CSMD1: variants seen among roughly 807,000 people sequenced by gnomAD.
The protein encoded by CSMD1 is CUB and Sushi multiple domains 1, also known as CUB and sushi domain-containing protein 1.
Under a neutral mutation model 417.5 loss-of-function variants are expected in CSMD1, and 213 were observed. The ratio of observed to expected loss-of-function variants is 0.51; its 90% CI spans 0.46 to 0.57. The LOEUF (loss-of-function observed/expected upper bound fraction) is 0.57. Among genes scored for constraint, CSMD1 ranks in the 20% least tolerant of loss-of-function variants. The pLI is 0.00. For synonymous variants in CSMD1, 2,862 were observed against 1,736.8 expected (o/e 1.65, Z -16.11); for missense variants, 6,923 against 4,529.7 (o/e 1.53, Z -15.17).
chr8:4,978,388 T>A (rs1810688326), intron 1 of CSMD1, among the ~76,000 whole-genome samples: 1 of 152,134 alleles, frequency 6.6e-6, no homozygotes, highest in Non-Finnish European at 1.5e-5. Flanking sequence ...TTAACATTAT[T>A]AAGCCCTCTA....
intron 18 of CSMD1, among the ~76,000 whole-genome samples, chr8:3,383,224 A>G (rs1447154181): frequency 6.6e-6 from 1 of 152,240 alleles, no homozygotes; most frequent in Admixed American, 6.5e-5. Flanking sequence ...GTTCATATGT[A>G]TCACAAATCG....
At chr8:4,092,368 C>T (rs1475233135) in intron 3 of CSMD1, among the ~76,000 whole-genome samples, 1 of 152,148 alleles carries the variant, frequency 6.6e-6, no homozygotes, top group South Asian at 2.1e-4. Flanking sequence ...CTTCAGCCAC[C>T]AGGGCTGCTG....
At chr8:4,379,205 A>G (rs1300045170) in intron 3 of CSMD1, among the ~76,000 whole-genome samples, 1 of 152,208 alleles carries the variant, frequency 6.6e-6, no homozygotes, top group Admixed American at 6.5e-5. Context: ...CCAAGTTCAT[A>G]AATTCAACCA....
chr8:4,046,118 A>T, intron 3 of CSMD1, among the ~76,000 whole-genome samples: 1 of 152,268 alleles, frequency 6.6e-6, no homozygotes, highest in Non-Finnish European at 1.5e-5. Context: ...TCTATAGCTC[A>T]TATATATCTG....
At chr8:4,845,593 G>T (rs181117709) in intron 1 of CSMD1, among the ~76,000 whole-genome samples, 5 of 152,272 alleles carry the variant, frequency 3.3e-5, no homozygotes, top group Admixed American at 3.3e-4. Context: ...ATATTTATTG[G>T]GTTCCTACCA....
intron 12 of CSMD1, among the ~76,000 whole-genome samples, chr8:3,443,040 G>A (rs1031242): frequency 0.4 from 60,215 of 151,978 alleles, 12,836 homozygotes; most frequent in Middle Eastern, 0.51. Flanking sequence ...TAATTACAAT[G>A]AATATGAGTT....
chr8:3,966,274 G>A (rs2130029273), intron 5 of CSMD1, among the ~76,000 whole-genome samples: 1 of 152,250 alleles, frequency 6.6e-6, no homozygotes. Flanking sequence ...TACTTAAACT[G>A]AATGCAGAGG....
chr8:3,204,597 A>G (rs1440515734), intron 31 of CSMD1, among the ~76,000 whole-genome samples: 1 of 152,156 alleles, frequency 6.6e-6, no homozygotes, highest in East Asian at 1.9e-4. Context: ...GAATCATGAC[A>G]CAATAGAAGT....
chr8:3,953,436 T>C (rs1403549547), intron 5 of CSMD1, among the ~76,000 whole-genome samples: 1 of 152,150 alleles, frequency 6.6e-6, no homozygotes, highest in Non-Finnish European at 1.5e-5. Context: ...TACTCAAAAA[T>C]TATTTTGCAC....
intron 1 of CSMD1, chr8:4,788,176 G>C (rs1797509997): frequency 3.8e-6 from 6 of 1,596,894 alleles, no homozygotes; most frequent in Non-Finnish European, 5.1e-6. Context: ...AAGGCCTGTG[G>C]AAATTTTGGC....
chr8:4,631,230 C>T (rs1802492091), intron 2 of CSMD1, among the ~76,000 whole-genome samples: 2 of 152,042 alleles, frequency 1.3e-5, no homozygotes, highest in Non-Finnish European at 2.9e-5. Context: ...GGAGTGGTGG[C>T]ATGTGCCTGT....
At chr8:3,444,070 TAC>T (rs139008163) in intron 12 of CSMD1, among the ~76,000 whole-genome samples, 1 of 151,854 alleles carries the variant, frequency 6.6e-6, no homozygotes, top group African/African-American at 2.4e-5. Context: ...CTTTGTTCTA[TAC>T]ACACACACAC....
chr8:3,829,538 G>C (rs1434123224), intron 5 of CSMD1, among the ~76,000 whole-genome samples: 2 of 152,120 alleles, frequency 1.3e-5, no homozygotes, highest in Non-Finnish European at 2.9e-5. Context: ...GATTACATGA[G>C]TTTGGGAGAG....
intron 5 of CSMD1, among the ~76,000 whole-genome samples, chr8:3,935,337 G>C (rs1007607290): frequency 6.6e-6 from 1 of 152,130 alleles, no homozygotes; most frequent in South Asian, 2.1e-4. Flanking sequence ...AGTGATACTT[G>C]GTTGTTTCAC....
intron 3 of CSMD1, among the ~76,000 whole-genome samples, chr8:4,088,403 T>G (rs1263753898): frequency 6.6e-6 from 1 of 152,244 alleles, no homozygotes; most frequent in African/African-American, 2.4e-5. Context: ...GTAACACCTT[T>G]TCTCAGGTTT....
chr8:4,054,643 A>G (rs946534964), intron 3 of CSMD1, among the ~76,000 whole-genome samples: 2 of 152,106 alleles, frequency 1.3e-5, no homozygotes, highest in African/African-American at 2.4e-5. Context: ...CACATAGGTA[A>G]TGAACAGGTC....
intron 5 of CSMD1, among the ~76,000 whole-genome samples, chr8:3,789,216 T>C (rs907007110): frequency 1.3e-5 from 2 of 152,068 alleles, no homozygotes; most frequent in African/African-American, 4.8e-5. Flanking sequence ...ATGAGCAAGA[T>C]AGTGGGCCCT....
At chr8:4,458,931 G>A (rs542756568) in intron 2 of CSMD1, among the ~76,000 whole-genome samples, 2 of 152,306 alleles carry the variant, frequency 1.3e-5, no homozygotes, top group African/African-American at 2.4e-5. Context: ...GTTTCTGGAA[G>A]TGCATTAAGC....
chr8:3,842,115 C>G (rs986929617), intron 5 of CSMD1, among the ~76,000 whole-genome samples: 7 of 152,184 alleles, frequency 4.6e-5, no homozygotes, highest in Non-Finnish European at 1.0e-4. Context: ...TTCATTCTGC[C>G]TAATTCAACC....
Sources: gnomAD v4.1 joint callset for allele counts (sites outside exome capture counted in the v4.1 genomes callset) on GRCh38, gnomAD v4.1.1 for gene constraint, MANE v1.5 for transcripts, NCBI Gene and HGNC (gene_info 2026-07-23, HGNC 2026-07-21) for gene names.